The following TBC1D5 variants were observed in gnomAD, a reference collection of about 807,000 sequenced individuals.
TBC1D5 encodes TBC1 domain family member 5.
TBC1D5 carries 75 observed loss-of-function variants against 100.3 expected under a neutral mutation model. The observed-to-expected ratio is 0.75, with a 90% CI of 0.62 to 0.91. The LOEUF (loss-of-function observed/expected upper bound fraction) is 0.91. Ranked by LOEUF, TBC1D5 falls within the 40% of genes least tolerant of loss-of-function variation. The pLI is 0.00. For missense variants in TBC1D5, 910 were observed against 942.4 expected (o/e 0.97, Z 0.45); for synonymous variants, 323 against 325.6 (o/e 0.99, Z 0.09).
At chr3:17,695,247 T>A (rs566252869) in intron 1 of TBC1D5, among the ~76,000 whole-genome samples, 37 of 152,234 alleles carry the variant, frequency 2.4e-4, no homozygotes, top group African/African-American at 7.0e-4. Flanking sequence ...CACATAACAA[T>A]ATTAACCTTA....
intron 4 of TBC1D5, among the ~76,000 whole-genome samples, chr3:17,422,878 T>C (rs73161417): frequency 0.091 from 13,878 of 152,154 alleles, 1,434 homozygotes; most frequent in African/African-American, 0.26. Flanking sequence ...TATATGCAAA[T>C]AAGATACATA....
At chr3:17,606,122 T>C (rs2061321098) in intron 2 of TBC1D5, among the ~76,000 whole-genome samples, 1 of 152,176 alleles carries the variant, frequency 6.6e-6, no homozygotes, top group African/African-American at 2.4e-5. Flanking sequence ...AAGAGTCTAA[T>C]TTTTACCAAA....
chr3:17,690,203 T>A (rs1378873364), intron 1 of TBC1D5, among the ~76,000 whole-genome samples: 1 of 61,472 alleles, frequency 1.6e-5, no homozygotes, highest in Non-Finnish European at 3.1e-5. Context: ...AAAATAGCCA[T>A]ATTTTTTTTT....
In TBC1D5 at chr3:17,602,357, T is replaced by C. The variant is rs191207167; in HGVS notation, c.-36+21492A>G. ...ATGTGTGATTCATGGAGCTCAGACA[T>C]TGATTTCCTCTGACTTATCTTCACT... On this transcript the variant is annotated intron_variant, in intron 2 of 21. Transcript: ENST00000253692. Among the ~76,000 whole-genome samples, 188 of 152,218 alleles carry C rather than the reference T, an allele frequency of 1.2e-3. 4 individuals carry two copies. Among genetic ancestry groups the C allele is most frequent in the Admixed American group, 0.012 (186 of 15,284 alleles).
At chr3:17,237,317 A>T (rs1398123536) in intron 17 of TBC1D5, among the ~76,000 whole-genome samples, 1 of 152,216 alleles carries the variant, frequency 6.6e-6, no homozygotes, top group Non-Finnish European at 1.5e-5. Context: ...GAGTCCTAGT[A>T]CTAAAAATAA....
intron 21 of TBC1D5, among the ~76,000 whole-genome samples, chr3:17,166,550 G>A (rs1022001907): frequency 3.9e-5 from 6 of 152,208 alleles, no homozygotes; most frequent in African/African-American, 9.6e-5. Context: ...CGCACCGCAC[G>A]GCTCTAGGAG....
At chr3:17,285,336 C>T (rs573521662) in intron 15 of TBC1D5, among the ~76,000 whole-genome samples, 5 of 138,836 alleles carry the variant, frequency 3.6e-5, no homozygotes, top group African/African-American at 1.3e-4. Context: ...TCTCGGCTCA[C>T]TGCAAGCTCC....
intron 13 of TBC1D5, among the ~76,000 whole-genome samples, chr3:17,330,867 A>G (rs1056133059): frequency 6.6e-6 from 1 of 152,128 alleles, no homozygotes; most frequent in African/African-American, 2.4e-5. Flanking sequence ...CAAAGCAAAA[A>G]TCTGAATCTA....
intron 1 of TBC1D5, among the ~76,000 whole-genome samples, chr3:17,665,619 G>A (rs1410892599): frequency 2.6e-5 from 4 of 152,028 alleles, no homozygotes; most frequent in Admixed American, 6.6e-5. Context: ...GCTGTGCACC[G>A]GGTTAACTGT....
In TBC1D5 at chr3:17,295,318, T is replaced by C. The variant is rs190634577; in HGVS notation, c.1139-3317A>G. Among the ~76,000 whole-genome samples, 570 of 152,306 alleles carry C rather than the reference T, an allele frequency of 3.7e-3. 4 individuals are homozygous for C. The highest frequency in any genetic ancestry group is 0.013 in the African/African-American group (539 of 41,570). On this transcript the variant is annotated intron_variant, in intron 14 of 21. Transcript: ENST00000253692. ...AACTTTATTCCTCCCATTTATAAAA[T>C]AGAGACAATCCTGCTTACTCTATCT... is the stretch of plus-strand genomic sequence containing the variant.
chr3:17,285,858 C>G (rs937123762), intron 15 of TBC1D5, among the ~76,000 whole-genome samples: 2 of 152,100 alleles, frequency 1.3e-5, no homozygotes, highest in Non-Finnish European at 2.9e-5. Context: ...CAAGCAAGAA[C>G]CAAATCAGAA....
intron 15 of TBC1D5, among the ~76,000 whole-genome samples, chr3:17,276,207 G>A (rs780829167): frequency 1.2e-4 from 18 of 152,110 alleles, no homozygotes; most frequent in Admixed American, 3.3e-4. Flanking sequence ...GTTTCCTTAC[G>A]TGGTGGAAGG....
chr3:17,740,714 G>A (rs2077357497), exon 1 of TBC1D5: 1 of 152,186 alleles, frequency 6.6e-6, no homozygotes, highest in Admixed American at 6.5e-5. Context: ...CTACTCAACT[G>A]AGGCCGCATT....
chr3:17,510,010 T>A (rs1183458894), intron 2 of TBC1D5, among the ~76,000 whole-genome samples: 1 of 152,048 alleles, frequency 6.6e-6, no homozygotes, highest in Non-Finnish European at 1.5e-5. Context: ...TTTCAAAACA[T>A]AAACCAAGTT....
chr3:17,549,159 A>C (rs1478164932), intron 2 of TBC1D5, among the ~76,000 whole-genome samples: 1 of 152,006 alleles, frequency 6.6e-6, no homozygotes, highest in African/African-American at 2.4e-5. Flanking sequence ...TATATAGCCG[A>C]GTGTGGTGGC....
chr3:17,203,100 T>C (rs1211274442), intron 18 of TBC1D5, among the ~76,000 whole-genome samples: 1 of 152,186 alleles, frequency 6.6e-6, no homozygotes, highest in Non-Finnish European at 1.5e-5. Flanking sequence ...GAGGGGGCTG[T>C]ACCCTGCAGA....
chr3:17,661,719 C>T (rs1199511184), intron 1 of TBC1D5, among the ~76,000 whole-genome samples: 1 of 151,992 alleles, frequency 6.6e-6, no homozygotes, highest in African/African-American at 2.4e-5. Flanking sequence ...AGGATGGTCT[C>T]GATCTCCTGA....
intron 14 of TBC1D5, among the ~76,000 whole-genome samples, chr3:17,297,042 T>A (rs2082322683): frequency 1.3e-5 from 2 of 152,210 alleles, no homozygotes; most frequent in Admixed American, 1.3e-4. Context: ...AAATAAATAG[T>A]GCTGCCAACT....
At chr3:17,555,888 C>T (rs1319002098) in intron 2 of TBC1D5, among the ~76,000 whole-genome samples, 1 of 152,230 alleles carries the variant, frequency 6.6e-6, no homozygotes, top group African/African-American at 2.4e-5. Context: ...CTTTCCATTC[C>T]TGTCATGGCC....
Sources: gnomAD v4.1 joint callset for allele counts (sites outside exome capture counted in the v4.1 genomes callset) on GRCh38, gnomAD v4.1.1 for gene constraint, MANE v1.5 for transcripts, NCBI Gene and HGNC (gene_info 2026-07-23, HGNC 2026-07-21) for gene names.